The following TMPRSS9 variants were observed in gnomAD, a reference collection of about 807,000 sequenced individuals.
TMPRSS9 encodes the protein transmembrane protease serine 9.
A neutral mutation model predicts 111.4 loss-of-function variants in TMPRSS9; 113 were observed. The ratio of observed to expected loss-of-function variants is 1.01; its 90% CI spans 0.87 to 1.19. The LOEUF (loss-of-function observed/expected upper bound fraction) is 1.19. TMPRSS9 is among the 50% of genes most tolerant of loss of function. The probability of loss-of-function intolerance (pLI) is 0.00; values close to 1 mark genes in which losing one functional copy is unlikely to be tolerated. For synonymous variants in TMPRSS9, 805 were observed against 659.1 expected (o/e 1.22, Z -3.39); for missense variants, 1,803 against 1,513.1 (o/e 1.19, Z -3.18).
chr19:2,380,914 C>G (rs757496726), intron 1 of TMPRSS9, among the ~76,000 whole-genome samples: 3 of 152,134 alleles, frequency 2.0e-5, no homozygotes, highest in Non-Finnish European at 2.9e-5. Context: ...CCACTGGAGG[C>G]TTACTCAATT....
chr19:2,363,814 G>T (rs569632974), intron 1 of TMPRSS9, among the ~76,000 whole-genome samples: 1 of 140,840 alleles, frequency 7.1e-6, no homozygotes, highest in African/African-American at 2.7e-5. Flanking sequence ...GCGTGCGCGC[G>T]TGTGTGTGTG....
At chr19:2,404,017 A>C (rs1231582247) in intron 6 of TMPRSS9, among the ~76,000 whole-genome samples, 4 of 151,440 alleles carry the variant, frequency 2.6e-5, no homozygotes, top group Non-Finnish European at 5.9e-5. Flanking sequence ...AAAGAAAAAA[A>C]AATTAGCCAG....
intron 6 of TMPRSS9, 78 bp from the exon 8 acceptor site, chr19:2,405,296 T>C: frequency 6.7e-7 from 1 of 1,489,816 alleles, no homozygotes; most frequent in East Asian, 2.6e-5. Flanking sequence ...GACGAGAGAC[T>C]CAGAGATGCA....
intron 1 of TMPRSS9, among the ~76,000 whole-genome samples, chr19:2,364,792 T>C (rs1281689490): frequency 6.6e-6 from 1 of 151,876 alleles, no homozygotes; most frequent in East Asian, 1.9e-4. Context: ...GAGACCATCC[T>C]GGCTAACACG....
intron 1 of TMPRSS9, among the ~76,000 whole-genome samples, chr19:2,371,428 T>G (rs1970289616): frequency 6.6e-6 from 1 of 152,148 alleles, no homozygotes; most frequent in South Asian, 2.1e-4. Context: ...GGCTCACGCC[T>G]GTAATCCCAG....
intron 1 of TMPRSS9, among the ~76,000 whole-genome samples, chr19:2,368,017 A>G (rs765673497): frequency 2.0e-5 from 3 of 152,120 alleles, no homozygotes; most frequent in Non-Finnish European, 4.4e-5. Flanking sequence ...GGCTTTATCC[A>G]CTTACTTTTA....
At chr19:2,390,364 TC>T (rs767884930) in intron 1 of TMPRSS9, among the ~76,000 whole-genome samples, 24 of 143,678 alleles carry the variant, frequency 1.7e-4, no homozygotes, top group South Asian at 6.8e-4. Flanking sequence ...TGTGTCAGCC[TC>T]CCCGAGTAGC....
upstream of TMPRSS9, among the ~76,000 whole-genome samples, chr19:2,388,305 G>C (rs1049382138): frequency 2.6e-5 from 4 of 152,060 alleles, no homozygotes; most frequent in African/African-American, 9.7e-5. Context: ...AGGATCGCTT[G>C]AGCCCAGGAG....
rs1260886555 is a variant in TMPRSS9 at position 2,410,392 on chromosome 19, C to T, written c.1252C>T (p.Gln418Ter). The change falls in exon 9 of 18, where the codon CAG (glutamine) becomes TAG (stop). Residue 418 changes from glutamine (Q) to a stop codon, truncating the protein, a stop_gained and splice_region_variant. Coordinates refer to ENST00000648592, the Ensembl canonical transcript of TMPRSS9. LOFTEE classifies it high-confidence loss of function. ...CCTGGACGGGAAGGTGGACTCCTGC[C>T]AGGTGAGCCCCCGATGCCCCAGACC... The T allele has an allele frequency of 8.1e-6, 13 of 1,613,830 alleles. No individual in the cohort carries two copies. The highest frequency in any genetic ancestry group is 1.7e-4 in the Middle Eastern group (1 of 6,060).
intron 1 of TMPRSS9, among the ~76,000 whole-genome samples, chr19:2,395,824 A>G (rs1008544045): frequency 9.2e-5 from 14 of 152,068 alleles, no homozygotes; most frequent in African/African-American, 2.4e-4. Context: ...TGGCTAACAC[A>G]GTGAAATCCC....
rs529022284 is a variant in TMPRSS9 at position 2,413,279 on chromosome 19, C to T, written c.1255-421C>T. On this transcript the variant is annotated intron_variant, in intron 9 of 17. Transcript: ENST00000648592. ...ATGGGAAGGTAAAAAATGGTGAGGC[C>T]GGACGAGTGACAGCAGATGAGCACT... Among the ~76,000 whole-genome samples, 5 of 152,122 alleles carry T rather than the reference C, an allele frequency of 3.3e-5. 1 individual carries two copies. Among genetic ancestry groups the T allele is most frequent in the African/African-American group, 1.2e-4 (5 of 41,506 alleles).
intron 10 of TMPRSS9, 161 bp downstream of exon 11, chr19:2,414,179 G>C (rs1489967241): frequency 5.6e-6 from 4 of 713,860 alleles, no homozygotes; most frequent in Non-Finnish European, 8.9e-6. Flanking sequence ...GTACCCTCAT[G>C]GTATCTTTCT....
chr19:2,418,254 CCT>C, intron 13 of TMPRSS9, 116 bp downstream of exon 14: 1 of 1,024,134 alleles, frequency 9.8e-7, no homozygotes, highest in East Asian at 4.2e-5. Context: ...TTCCCCCCCT[CCT>C]TCCCTCCTTG....
exon 8 of TMPRSS9, chr19:2,408,536 C>A (rs528292258): frequency 1.2e-6 from 2 of 1,613,786 alleles, no homozygotes; most frequent in East Asian, 4.5e-5. Flanking sequence ...TCGGCCGGCA[C>A]ATCCAGCCCG....
rs371382433 is a variant in TMPRSS9 at position 2,415,725 on chromosome 19, A to C, written c.1629A>C (p.Gly543=). 3.7e-6 allele frequency: 6 copies of C among 1,609,446 alleles called. No individual in the cohort carries two copies. The African/African-American group carries it at 8.0e-5, about 22-fold the overall frequency. Residue 543 remains glycine, a synonymous_variant, in exon 11 of 18, where the codon GGA becomes GGC. Transcript: ENST00000648592. ...CCACCCGGGTCGTGGGCGGGTTCGG[A>C]GCTGCCTCCGGGGAGGTGCCCTGGC...
At position 2,402,608 on chromosome 19, in the gene TMPRSS9, C is replaced by G. The variant is rs1025683027; in HGVS notation, c.557-474C>G. ...ACAAAATTAGCCAGGCGTGGTGGGG[C>G]GTGCCTGTAATCCCAGCTACTCAGG... On this transcript the variant is annotated intron_variant, in intron 5 of 17. Coordinates refer to ENST00000648592, the Ensembl canonical transcript of TMPRSS9. Among the ~76,000 whole-genome samples, 11 of 151,902 alleles carry G rather than the reference C, an allele frequency of 7.2e-5. No individual in the cohort carries two copies. In the East Asian group the frequency reaches 2.1e-3, roughly 29 times the overall value.
Position 2,366,813 on chromosome 19 carries a change from C to T in TMPRSS9, c.-26+6453C>T, listed in dbSNP as rs796751836. Among the ~76,000 whole-genome samples, 87 of 146,712 alleles carry T rather than the reference C, an allele frequency of 5.9e-4. 1 individual carries two copies. Among genetic ancestry groups the T allele is most frequent in the African/African-American group, 2.1e-3 (85 of 39,568 alleles). On this transcript the variant is annotated intron_variant, in intron 1 of 17. Coordinates refer to the TMPRSS9 transcript ENST00000649857. ...TGGAGCTTGCAGTGAGCCAAGATTG[C>T]GCCACTGCACTCCAGCCTGGGCGAC...
chr19:2,382,177 T>A (rs534040350), intron 1 of TMPRSS9, among the ~76,000 whole-genome samples: 2 of 152,262 alleles, frequency 1.3e-5, no homozygotes, highest in East Asian at 3.9e-4. Context: ...TTTCTTTTTT[T>A]TAAACAGGGT....
exon 15 of TMPRSS9, chr19:2,424,161 G>T: frequency 6.8e-7 from 1 of 1,463,744 alleles, no homozygotes. Context: ...GAGTGGCCGT[G>T]GCAGGTGAGC....
Sources: allele counts gnomAD v4.1 joint callset (sites outside exome capture counted in the v4.1 genomes callset), GRCh38; gene constraint gnomAD v4.1.1; transcripts MANE v1.5; gene names NCBI Gene and HGNC (gene_info 2026-07-23, HGNC 2026-07-21).